PTPRN2: variants seen among roughly 807,000 people sequenced by gnomAD.
PTPRN2 encodes the protein receptor-type tyrosine-protein phosphatase N2.
In PTPRN2, 74 loss-of-function variants were observed where a neutral mutation model predicts 118.8. The ratio of observed to expected loss-of-function variants is 0.62; its 90% CI spans 0.52 to 0.76. PTPRN2 has a LOEUF of 0.76. Among genes scored for constraint, PTPRN2 ranks in the 30% least tolerant of loss-of-function variants. The pLI is 0.00. For missense variants in PTPRN2, 1,481 were observed against 1,394.4 expected (o/e 1.06, Z -0.99); for synonymous variants, 641 against 608.0 (o/e 1.05, Z -0.80).
intron 2 of PTPRN2, among the ~76,000 whole-genome samples, chr7:158,364,570 T>C (rs547189761): frequency 3.7e-4 from 56 of 152,200 alleles, no homozygotes; most frequent in South Asian, 1.0e-3. Flanking sequence ...AATAATGAGG[T>C]TCATATTAAA....
chr7:158,581,115 C>G (rs976460486), intron 1 of PTPRN2, among the ~76,000 whole-genome samples: 3 of 152,168 alleles, frequency 2.0e-5, no homozygotes, highest in African/African-American at 7.2e-5. Flanking sequence ...TTGTTCTGTG[C>G]AACCAGAGAG....
At chr7:158,409,653 C>T (rs181686086) in intron 2 of PTPRN2, among the ~76,000 whole-genome samples, 2 of 152,256 alleles carry the variant, frequency 1.3e-5, no homozygotes, top group East Asian at 1.9e-4. Context: ...GTGAGGGTTC[C>T]GGGGGTCTCT....
intron 1 of PTPRN2, among the ~76,000 whole-genome samples, chr7:158,583,405 T>G (rs997482642): frequency 6.6e-6 from 1 of 152,062 alleles, no homozygotes; most frequent in Non-Finnish European, 1.5e-5. Context: ...CTGTGCACCA[T>G]GATGGGGCCC....
chr7:157,922,476 T>C (rs905346882), intron 11 of PTPRN2, among the ~76,000 whole-genome samples: 1 of 152,176 alleles, frequency 6.6e-6, no homozygotes, highest in Non-Finnish European at 1.5e-5. Context: ...GGAATTGAAT[T>C]GAAAATTATG....
In PTPRN2 at chr7:158,145,072, G is replaced by A. The variant is rs1324158043; in HGVS notation, c.911-6557C>T. ...GGCAAGGTTTCCCTCACATCATCGC[G>A]AGAAGGTTCCAGAATACCACGGCTC... On this transcript the variant is annotated intron_variant, in intron 6 of 22. Coordinates refer to ENST00000389418, the MANE Select transcript of PTPRN2 (RefSeq NM_002847.5). 1.2e-4 allele frequency among the ~76,000 whole-genome samples: 18 copies of A among 148,410 alleles called. 1 individual carries two copies. The highest frequency in any genetic ancestry group is 1.9e-4 in the Non-Finnish European group (13 of 67,458).
In PTPRN2 at chr7:158,144,364, G is replaced by A. The variant is rs114729797; in HGVS notation, c.911-5849C>T. 6.9e-3 allele frequency among the ~76,000 whole-genome samples: 1,055 copies of A among 152,280 alleles called. 17 individuals carry two copies. Among genetic ancestry groups the A allele is most frequent in the African/African-American group, 0.024 (988 of 41,544 alleles). On this transcript the variant is annotated intron_variant, in intron 6 of 22. Coordinates refer to ENST00000389418, the MANE Select transcript of PTPRN2 (RefSeq NM_002847.5). The stretch of plus-strand genomic sequence containing the variant: ...AAGAGAAAGCAGACATCAGCCGGAC[G>A]CGGTGGCTCACACCCGTAATCCCAG...
At chr7:158,175,857 T>C (rs147415504) in intron 5 of PTPRN2, among the ~76,000 whole-genome samples, 14 of 152,246 alleles carry the variant, frequency 9.2e-5, no homozygotes, top group African/African-American at 3.1e-4. Flanking sequence ...TGATGATGCA[T>C]TCTGAGAGTC....
intron 12 of PTPRN2, among the ~76,000 whole-genome samples, chr7:157,769,795 A>G (rs1258760499): frequency 6.6e-6 from 1 of 152,098 alleles, no homozygotes; most frequent in Non-Finnish European, 1.5e-5. Flanking sequence ...TGCAGGCTTC[A>G]CATCTAAAAC....
At chr7:157,758,664 G>C (rs1262692085) in intron 12 of PTPRN2, among the ~76,000 whole-genome samples, 1 of 152,180 alleles carries the variant, frequency 6.6e-6, no homozygotes, top group Non-Finnish European at 1.5e-5. Flanking sequence ...TGCATCCCGC[G>C]GTGTCCTTGC....
chr7:157,855,420 G>C (rs1198410215), intron 12 of PTPRN2, among the ~76,000 whole-genome samples: 3 of 152,240 alleles, frequency 2.0e-5, no homozygotes. Flanking sequence ...AACCCATGGA[G>C]CACGAAACCT....
intron 1 of PTPRN2, among the ~76,000 whole-genome samples, chr7:158,504,663 G>A (rs1179615163): frequency 6.6e-6 from 1 of 152,112 alleles, no homozygotes; most frequent in Admixed American, 6.5e-5. Flanking sequence ...TTTATAACCT[G>A]CACTTTTTAC....
chr7:158,103,246 T>C (rs1339859406), intron 10 of PTPRN2, among the ~76,000 whole-genome samples: 15 of 152,050 alleles, frequency 9.9e-5, no homozygotes, highest in Admixed American at 9.8e-4. Flanking sequence ...CTGGGGGCCA[T>C]AGGGAGGGAT....
intron 6 of PTPRN2, among the ~76,000 whole-genome samples, chr7:158,142,317 A>G (rs1319849467): frequency 6.6e-6 from 1 of 152,186 alleles, no homozygotes. Context: ...GGAACTATTC[A>G]AGCTGGGCAG....
rs563564244 is a variant in PTPRN2 at position 157,569,408 on chromosome 7, C to T, written c.2838-442G>A. 5.9e-5 allele frequency among the ~76,000 whole-genome samples: 9 copies of T among 152,364 alleles called. No individual in the cohort carries two copies. The South Asian group carries it at 1.9e-3, about 32-fold the overall frequency. On this transcript the variant is annotated intron_variant, in intron 20 of 22. Coordinates refer to ENST00000389418, the MANE Select transcript of PTPRN2 (RefSeq NM_002847.5). The stretch of plus-strand genomic sequence containing the variant: ...GCGCTGGGCGGCTGGGCCCCGCTGG[C>T]TCATGCACGCAGGGACACTTCAGGC...
chr7:157,539,863 T>C lies in PTPRN2; in HGVS notation c.*851A>G, dbSNP rs764521624. The C allele has an allele frequency of 3.3e-5, 5 of 152,258 alleles. No homozygotes were observed. Among genetic ancestry groups the C allele is most frequent in the Non-Finnish European group, 5.9e-5 (4 of 68,048 alleles). 9.4% of individuals were successfully genotyped at this position (152,258 alleles called of 1,614,324 possible). A position where few individuals can be genotyped will look rare whatever the true frequency, so the allele number is the denominator to read the frequency against. On this transcript the variant is annotated 3_prime_UTR_variant, in exon 23 of 23. Transcript: ENST00000389418. ...GTTCGTGTGCTCCCGGGGACCCTCATAGCTTGCTCAATGCCCAGATTTGTT... is the reference window on the plus strand; with the variant it reads ...GTTCGTGTGCTCCCGGGGACCCTCACAGCTTGCTCAATGCCCAGATTTGTT...
chr7:157,815,652 G>A (rs144773377), intron 12 of PTPRN2, among the ~76,000 whole-genome samples: 222 of 152,332 alleles, frequency 1.5e-3, no homozygotes, highest in Admixed American at 2.9e-3. Context: ...GATGCAGACA[G>A]GCACTCATGG....
At chr7:157,682,701 A>G in intron 13 of PTPRN2, 24 bp downstream of exon 13, 1 of 1,595,062 alleles carries the variant, frequency 6.3e-7, no homozygotes, top group Non-Finnish European at 8.6e-7. Flanking sequence ...CCGATATACC[A>G]CTTTTTAAAA....
At position 158,365,493 on chromosome 7, in the gene PTPRN2, C is replaced by T. The variant is rs909735090; in HGVS notation, c.164-48561G>A. 2.0e-5 allele frequency among the ~76,000 whole-genome samples: 3 copies of T among 152,206 alleles called. No homozygotes were observed. In the South Asian group the frequency reaches 6.2e-4, roughly 31 times the overall value. On this transcript the variant is annotated intron_variant, in intron 2 of 22. Transcript: ENST00000389418. Reference sequence around the variant, plus strand: ...TATTCAGATCAATCAGCTGGAGTGACAGGAAACACGTTCGCTCCCATTGGA... The same window carrying T: ...TATTCAGATCAATCAGCTGGAGTGATAGGAAACACGTTCGCTCCCATTGGA...
chr7:157,592,609 G>A lies in PTPRN2; in HGVS notation c.2496+2629C>T, dbSNP rs143670322. 6.2e-3 allele frequency among the ~76,000 whole-genome samples: 936 copies of A among 150,072 alleles called. 3 individuals carry two copies. Among genetic ancestry groups the A allele is most frequent in the Non-Finnish European group, 9.4e-3 (633 of 67,316 alleles). The stretch of plus-strand genomic sequence containing the variant: ...ACCAAGGGTGGATGTGGGCATCATC[G>A]TGGTCGTTGAGCATGGACGCCAAGA... On this transcript the variant is annotated intron_variant, in intron 17 of 22. Coordinates refer to ENST00000389418, the MANE Select transcript of PTPRN2 (RefSeq NM_002847.5).
Sources: gnomAD v4.1 joint callset for allele counts (sites outside exome capture counted in the v4.1 genomes callset) on GRCh38, gnomAD v4.1.1 for gene constraint, MANE v1.5 for transcripts, NCBI Gene and HGNC (gene_info 2026-07-23, HGNC 2026-07-21) for gene names.